The following NAALADL2 variants were observed in gnomAD, a reference collection of about 807,000 sequenced individuals.
The protein encoded by NAALADL2 is inactive N-acetylated-alpha-linked acidic dipeptidase-like protein 2.
NAALADL2 carries 76 observed loss-of-function variants against 87.2 expected under a neutral mutation model. That is an observed-to-expected ratio of 0.87 (90% CI 0.72 to 1.05). The LOEUF (loss-of-function observed/expected upper bound fraction) is 1.05, where lower values mean the gene tolerates loss of function less well. Among genes scored for constraint, NAALADL2 ranks in the 50% least tolerant of loss-of-function variants. The probability of loss-of-function intolerance (pLI) is 0.00; values close to 1 mark genes in which losing one functional copy is unlikely to be tolerated. For synonymous variants in NAALADL2, 354 were observed against 331.0 expected, an observed-to-expected ratio of 1.07 and a Z score of -0.75; for missense variants, 1,089 against 945.8, an observed-to-expected ratio of 1.15 and a Z score of -1.99.
intron 3 of NAALADL2, among the ~76,000 whole-genome samples, chr3:174,806,858 C>T (rs1287408030): frequency 1.3e-5 from 2 of 152,086 alleles, no homozygotes; most frequent in African/African-American, 4.8e-5. Context: ...GTTTATAGTG[C>T]ATTTTCTCAG....
chr3:174,450,337 T>G (rs544029908), intron 1 of NAALADL2, among the ~76,000 whole-genome samples: 10 of 152,130 alleles, frequency 6.6e-5, no homozygotes, highest in Admixed American at 5.9e-4. Context: ...GGGGTTTATA[T>G]AGCAGAGAAG....
At chr3:175,538,301 A>G (rs1217353485) in intron 9 of NAALADL2, among the ~76,000 whole-genome samples, 1 of 152,114 alleles carries the variant, frequency 6.6e-6, no homozygotes, top group Non-Finnish European at 1.5e-5. Context: ...ATATTACACC[A>G]ATTATTTTAA....
chr3:175,251,105 T>C (rs923996262), intron 3 of NAALADL2, among the ~76,000 whole-genome samples: 1 of 152,210 alleles, frequency 6.6e-6, no homozygotes, highest in African/African-American at 2.4e-5. Context: ...TTAAAAACCA[T>C]AGAACCACTG....
At chr3:174,813,695 C>G (rs2109304530) in intron 3 of NAALADL2, among the ~76,000 whole-genome samples, 1 of 151,970 alleles carries the variant, frequency 6.6e-6, no homozygotes, top group African/African-American at 2.4e-5. Context: ...GCTATGTTGC[C>G]CAGGCTGAAG....
At chr3:174,911,758 T>C (rs1733738273) in intron 1 of NAALADL2, among the ~76,000 whole-genome samples, 1 of 152,156 alleles carries the variant, frequency 6.6e-6, no homozygotes, top group African/African-American at 2.4e-5. Flanking sequence ...TTTTTTAAAC[T>C]GGTAATATCT....
intron 5 of NAALADL2, among the ~76,000 whole-genome samples, chr3:175,423,171 G>C (rs1169576190): frequency 6.7e-6 from 1 of 148,230 alleles, no homozygotes; most frequent in East Asian, 2.0e-4. Flanking sequence ...GAAAGGGAGG[G>C]GGGGGTCTCT....
chr3:175,396,296 C>T (rs934207742), intron 5 of NAALADL2, among the ~76,000 whole-genome samples: 11 of 148,778 alleles, frequency 7.4e-5, no homozygotes, highest in African/African-American at 2.9e-4. Flanking sequence ...GAGTAGGAGG[C>T]CATCTTTCAG....
intron 2 of NAALADL2, among the ~76,000 whole-genome samples, chr3:174,703,303 CTT>C (rs35658602): frequency 2.2e-4 from 27 of 123,160 alleles, no homozygotes; most frequent in South Asian, 8.1e-4. Context: ...CCATGCCTGG[CTT>C]TTTTTTTTTT....
At chr3:175,256,050 T>A (rs1466722612) in intron 3 of NAALADL2, among the ~76,000 whole-genome samples, 1 of 152,230 alleles carries the variant, frequency 6.6e-6, no homozygotes, top group African/African-American at 2.4e-5. Context: ...ATATAATTGC[T>A]GTTGAACCTT....
chr3:175,386,124 C>T (rs974094634), intron 5 of NAALADL2, among the ~76,000 whole-genome samples: 1 of 151,984 alleles, frequency 6.6e-6, no homozygotes, highest in Non-Finnish European at 1.5e-5. Flanking sequence ...AAACTCTAGA[C>T]AATCTCTTAA....
At chr3:175,197,952 A>G (rs1739263455) in intron 2 of NAALADL2, among the ~76,000 whole-genome samples, 1 of 152,048 alleles carries the variant, frequency 6.6e-6, no homozygotes, top group Non-Finnish European at 1.5e-5. Context: ...TGTTTGTGGG[A>G]AAGTACAGTA....
chr3:175,348,557 A>T (rs1269597301), intron 5 of NAALADL2, among the ~76,000 whole-genome samples: 4 of 152,002 alleles, frequency 2.6e-5, no homozygotes. Flanking sequence ...CTAGGGTAGG[A>T]TCCTCCCTTG....
At chr3:174,643,867 T>C (rs1342327496) in intron 2 of NAALADL2, among the ~76,000 whole-genome samples, 1 of 152,054 alleles carries the variant, frequency 6.6e-6, no homozygotes, top group African/African-American at 2.4e-5. Context: ...GCAAGAAAAA[T>C]ACATAATAAA....
At chr3:175,156,324 A>G (rs202046160) in intron 2 of NAALADL2, among the ~76,000 whole-genome samples, 54,780 of 151,754 alleles carry the variant, frequency 0.36, 11,220 homozygotes, top group East Asian at 0.56. Context: ...CTTTAGATAA[A>G]TAGCTCTACT....
intron 1 of NAALADL2, among the ~76,000 whole-genome samples, chr3:174,978,798 G>T (rs926527883): frequency 6.6e-6 from 1 of 152,058 alleles, no homozygotes; most frequent in Non-Finnish European, 1.5e-5. Flanking sequence ...TTACATTTTA[G>T]AGTCCAAGAG....
At chr3:175,165,516 T>TA (rs1159440898) in intron 2 of NAALADL2, among the ~76,000 whole-genome samples, 12 of 152,168 alleles carry the variant, frequency 7.9e-5, no homozygotes, top group Non-Finnish European at 1.5e-4. Flanking sequence ...GACTTACACT[T>TA]ACATTTGTGT....
At chr3:175,708,748 A>T (rs1219037637) in intron 11 of NAALADL2, among the ~76,000 whole-genome samples, 2 of 152,012 alleles carry the variant, frequency 1.3e-5, no homozygotes, top group African/African-American at 4.8e-5. Flanking sequence ...ACAAAAATAA[A>T]AAGAGAGTGA....
chr3:175,630,573 T>C (rs1727620026), intron 11 of NAALADL2, among the ~76,000 whole-genome samples: 1 of 151,860 alleles, frequency 6.6e-6, no homozygotes, highest in South Asian at 2.1e-4. Context: ...ATAATACAGA[T>C]ATAAAAACAT....
intron 2 of NAALADL2, among the ~76,000 whole-genome samples, chr3:174,638,870 T>C (rs76036000): frequency 0.033 from 4,981 of 152,290 alleles, 278 homozygotes; most frequent in African/African-American, 0.11. Context: ...GAACGTGTTT[T>C]TCCTCCTTTA....
Sources: allele counts gnomAD v4.1 joint callset (sites outside exome capture counted in the v4.1 genomes callset), GRCh38; gene constraint gnomAD v4.1.1; transcripts MANE v1.5; gene names NCBI Gene and HGNC (gene_info 2026-07-23, HGNC 2026-07-21).